RFXAP: variants seen among roughly 807,000 people sequenced by gnomAD.
The protein encoded by RFXAP is regulatory factor X associated protein, also known as regulatory factor X-associated protein.
Under a neutral mutation model 25.7 loss-of-function variants are expected in RFXAP, and 21 were observed. That is an observed-to-expected ratio of 0.82 (90% CI 0.58 to 1.18). The LOEUF is 1.18. Ranked by LOEUF, RFXAP falls within the 50% of genes most tolerant of loss-of-function variation. The pLI is 0.00. For missense variants in RFXAP, 333 were observed against 363.0 expected, an observed-to-expected ratio of 0.92 and a Z score of 0.67; for synonymous variants, 161 against 152.2, an observed-to-expected ratio of 1.06 and a Z score of -0.43.
chr13:36,821,805 C>T (rs2057963730), intron 1 of RFXAP, among the ~76,000 whole-genome samples: 1 of 152,114 alleles, frequency 6.6e-6, no homozygotes, highest in Non-Finnish European at 1.5e-5. Flanking sequence ...CTTTGAGGGT[C>T]TGGTGACTTA....
chr13:36,822,981 C>T (rs533685875), intron 1 of RFXAP, among the ~76,000 whole-genome samples: 1 of 152,240 alleles, frequency 6.6e-6, no homozygotes, highest in African/African-American at 2.4e-5. Flanking sequence ...GCAGAGGAAA[C>T]GTGACTCAGT....
rs893491188 is a variant in RFXAP, at chr13:36,819,400, G to C, written c.43G>C (p.Ala15Pro). The C allele has an allele frequency of 7.7e-7, 1 of 1,305,256 alleles. No homozygotes were observed. Among genetic ancestry groups the C allele is most frequent in the South Asian group, 2.8e-5 (1 of 35,412 alleles). 80.9% of individuals were successfully genotyped at this position (1,305,256 alleles called of 1,614,324 possible). A position where few individuals can be genotyped will look rare whatever the true frequency, so the allele number is the denominator to read the frequency against. ...AGCGGAGGGCGCGGGGCCGGGCGCC[G>C]CCAGCGGCGTGCCCCACCCCGCGGC... ...GVAEGAGPGA[A>P]SGVPHPAALA... The change falls in exon 1 of 3, where the codon GCC becomes CCC. Residue 15 changes from alanine (A) to proline (P), a missense_variant. Physicochemically the swap from Ala to Pro is conservative, Grantham distance 27 (BLOSUM62 -1). Coordinates refer to ENST00000255476, the MANE Select transcript of RFXAP (RefSeq NM_000538.4).
intron 2 of RFXAP, 118 bp downstream of exon 2, chr13:36,825,653 T>G: frequency 1.7e-6 from 1 of 603,932 alleles, no homozygotes; most frequent in Admixed American, 3.3e-5. Context: ...CAAAATAAAT[T>G]CCTAATAAGT....
intron 1 of RFXAP, among the ~76,000 whole-genome samples, chr13:36,820,823 G>GT (rs1332069920): frequency 6.6e-6 from 1 of 152,162 alleles, no homozygotes. Context: ...ATTAAACTCT[G>GT]TAAAATGGGC....
chr13:36,819,388 G>A lies in RFXAP; in HGVS notation c.31G>A (p.Gly11Arg). 7.7e-7 allele frequency: 1 copy of A among 1,300,578 alleles called. No homozygotes were observed. Among genetic ancestry groups the A allele is most frequent in the Non-Finnish European group, 9.7e-7 (1 of 1,030,040 alleles). 80.6% of individuals were successfully genotyped at this position (1,300,578 alleles called of 1,614,324 possible). MEAQGVAEGA[G>R]PGAASGVPHP... ...GGCGCAGGGTGTAGCGGAGGGCGCG[G>A]GGCCGGGCGCCGCCAGCGGCGTGCC... Residue 11 changes from glycine to arginine, a missense_variant, in exon 1 of 3, where the codon GGG becomes AGG. By Grantham distance (125) the Gly-to-Arg change is moderately radical. Coordinates refer to ENST00000255476, the MANE Select transcript of RFXAP (RefSeq NM_000538.4).
chr13:36,827,291 T>C (rs2057981209), intron 2 of RFXAP, among the ~76,000 whole-genome samples: 1 of 152,008 alleles, frequency 6.6e-6, no homozygotes, highest in South Asian at 2.1e-4. Context: ...TTCATCTCCA[T>C]TTTTTTTCTT....
chr13:36,819,366 G>T lies in RFXAP; in HGVS notation c.9G>T (p.Ala3=), dbSNP rs771794648. Reference sequence around the variant, plus strand: ...GGCCAGGTCTTAGCAGCATGGAGGCGCAGGGTGTAGCGGAGGGCGCGGGGC... The same window carrying T: ...GGCCAGGTCTTAGCAGCATGGAGGCTCAGGGTGTAGCGGAGGGCGCGGGGC... The part of the protein sequence containing the change: ME[A]QGVAEGAGPG... The change falls in exon 1 of 3, where the codon GCG becomes GCT. Residue 3 remains alanine, a synonymous_variant. Transcript: ENST00000255476. 1 of 1,271,202 alleles carries T rather than the reference G, an allele frequency of 7.9e-7. No individual in the cohort carries two copies. Among genetic ancestry groups the T allele is most frequent in the East Asian group, 3.1e-5 (1 of 31,820 alleles). 78.7% of individuals were successfully genotyped at this position (1,271,202 alleles called of 1,614,324 possible).
intron 1 of RFXAP, among the ~76,000 whole-genome samples, chr13:36,822,094 C>CTT (rs200751998): frequency 6.9e-6 from 1 of 145,114 alleles, no homozygotes; most frequent in African/African-American, 2.5e-5. Context: ...TTTTTTCTTT[C>CTT]TTTTTTTTTT....
At chr13:36,824,059 GA>G (rs915898507) in intron 1 of RFXAP, among the ~76,000 whole-genome samples, 40 of 152,090 alleles carry the variant, frequency 2.6e-4, no homozygotes, top group African/African-American at 9.7e-4. Flanking sequence ...GCAGGTTTTT[GA>G]AAAAGAATTC....
At position 36,819,754 on chromosome 13, in the gene RFXAP, G is replaced by T. The variant is rs751361768; in HGVS notation, c.397G>T (p.Gly133Cys). 12 of 1,555,430 alleles carry T rather than the reference G, an allele frequency of 7.7e-6. No homozygotes were observed. In the South Asian group the frequency reaches 8.3e-5, roughly 11 times the overall value. ...SSGGARRRGS[G>C]GGSMSKTCTY... The stretch of plus-strand genomic sequence containing the variant: ...CGGGGGCGCCCGGAGGCGGGGCAGC[G>T]GTGGGGGCAGCATGAGCAAGACCTG... Residue 133 changes from glycine (G) to cysteine (C), a missense_variant, in exon 1 of 3, where the codon GGT becomes TGT. By Grantham distance (159) the Gly-to-Cys change is radical (BLOSUM62 -3). Transcript: ENST00000255476.
chr13:36,819,638 A>T lies in RFXAP; in HGVS notation c.281A>T (p.Asp94Val). 1 of 1,546,576 alleles carries T rather than the reference A, an allele frequency of 6.5e-7. No individual in the cohort carries two copies. The highest frequency in any genetic ancestry group is 8.7e-7 in the Non-Finnish European group (1 of 1,143,606). The change falls in exon 1 of 3, where the codon GAC becomes GTC. Residue 94 changes from aspartate (D) to valine (V), a missense_variant. Physicochemically the swap from Asp to Val is radical, Grantham distance 152. Coordinates refer to ENST00000255476, the MANE Select transcript of RFXAP (RefSeq NM_000538.4). ...EAGEDEADLLDTSDPPGGGES... is the reference protein window; with the variant it reads ...EAGEDEADLLVTSDPPGGGES... The stretch of plus-strand genomic sequence containing the variant: ...GGGGAGGACGAGGCGGACCTGTTAG[A>T]CACTTCGGACCCTCCGGGGGGAGGC...
intron 1 of RFXAP, among the ~76,000 whole-genome samples, chr13:36,823,429 A>G (rs2057969199): frequency 6.6e-6 from 1 of 152,218 alleles, no homozygotes; most frequent in African/African-American, 2.4e-5. Flanking sequence ...ATAGTATTGA[A>G]TGCCAGGCTA....
At position 36,825,544 on chromosome 13, in the gene RFXAP, C is replaced by T; in HGVS notation, c.708+9C>T. On this transcript the variant is annotated intron_variant, in intron 2 of 2. Transcript: ENST00000255476. ...TAAATCAAAAAAGACTGGTAAATAT[C>T]TGTTTGTAAATCAGTTATAAATGTG... 1.3e-6 allele frequency: 2 copies of T among 1,570,056 alleles called. No individual in the cohort carries two copies. Among genetic ancestry groups the T allele is most frequent in the Non-Finnish European group, 1.8e-6 (2 of 1,142,792 alleles).
chr13:36,828,719 T>C lies in RFXAP; in HGVS notation c.*966T>C, dbSNP rs2138219906. ...AGTATTTTGTCATTGTTTTTCGCAATTGAGCTATCTGAAAACTGTTATTCC... is the reference window on the plus strand; with the variant it reads ...AGTATTTTGTCATTGTTTTTCGCAACTGAGCTATCTGAAAACTGTTATTCC... On this transcript the variant is annotated 3_prime_UTR_variant, in exon 3 of 3. Transcript: ENST00000255476. 1 of 152,360 alleles carries C rather than the reference T, an allele frequency of 6.6e-6. No individual in the cohort carries two copies. The highest frequency in any genetic ancestry group is 6.5e-5 in the Admixed American group (1 of 15,302). 9.4% of individuals were successfully genotyped at this position (152,360 alleles called of 1,614,324 possible). A position where few individuals can be genotyped will look rare whatever the true frequency, so the allele number is the denominator to read the frequency against.
chr13:36,825,474 C>G lies in RFXAP; in HGVS notation c.647C>G (p.Ser216Cys). 1 of 1,613,056 alleles carries G rather than the reference C, an allele frequency of 6.2e-7. No individual in the cohort carries two copies. The highest frequency in any genetic ancestry group is 8.5e-7 in the Non-Finnish European group (1 of 1,179,564). ...ILSIVKQRTGSFGDRPARPTL... is the reference protein window; with the variant it reads ...ILSIVKQRTGCFGDRPARPTL... ...TCCATTGTTAAACAAAGAACAGGAT[C>G]TTTTGGGGATCGTCCTGCAAGACCT... is the stretch of plus-strand genomic sequence containing the variant. Residue 216 changes from serine to cysteine, a missense_variant, in exon 2 of 3, where the codon TCT becomes TGT. Physicochemically the swap from Ser to Cys is moderately radical, Grantham distance 112. Transcript: ENST00000255476.
At chr13:36,821,593 T>C (rs1316516723) in intron 1 of RFXAP, among the ~76,000 whole-genome samples, 1 of 152,096 alleles carries the variant, frequency 6.6e-6, no homozygotes, top group African/African-American at 2.4e-5. Context: ...GCCCAGGAGA[T>C]TGAGGCTGCA....
At position 36,819,662 on chromosome 13, in the gene RFXAP, G is replaced by C; in HGVS notation, c.305G>C (p.Gly102Ala). The C allele has an allele frequency of 6.5e-7, 1 of 1,548,946 alleles. No homozygotes were observed. The highest frequency in any genetic ancestry group is 8.7e-7 in the Non-Finnish European group (1 of 1,145,152). Residue 102 changes from glycine (G) to alanine (A), a missense_variant, in exon 1 of 3, where the codon GGC becomes GCC. Coordinates refer to ENST00000255476, the MANE Select transcript of RFXAP (RefSeq NM_000538.4). The stretch of plus-strand genomic sequence containing the variant: ...GACACTTCGGACCCTCCGGGGGGAG[G>C]CGAGAGCGCGGCTAGTTTGGAGGAT... ...LLDTSDPPGGGESAASLEDLE... is the reference protein window; with the variant it reads ...LLDTSDPPGGAESAASLEDLE...
At chr13:36,822,428 CT>C (rs1311449663) in intron 1 of RFXAP, among the ~76,000 whole-genome samples, 217 of 146,096 alleles carry the variant, frequency 1.5e-3, no homozygotes, top group Middle Eastern at 3.5e-3. Context: ...TGGCTGCTTA[CT>C]TTTTTTTTTT....
At chr13:36,825,083 A>G (rs1413607874) in intron 1 of RFXAP, among the ~76,000 whole-genome samples, 3 of 152,166 alleles carry the variant, frequency 2.0e-5, no homozygotes, top group Non-Finnish European at 2.9e-5. Flanking sequence ...TTTTTGTAAT[A>G]TTGAAAATAG....
Sources: allele counts gnomAD v4.1 joint callset (sites outside exome capture counted in the v4.1 genomes callset), GRCh38; gene constraint gnomAD v4.1.1; transcripts MANE v1.5; gene names NCBI Gene and HGNC (gene_info 2026-07-23, HGNC 2026-07-21).